The following OR51M1 variants were observed in gnomAD, a reference collection of about 807,000 sequenced individuals.
The protein encoded by OR51M1 is olfactory receptor family 51 subfamily M member 1, also known as olfactory receptor 51M1.
For missense variants in OR51M1, 509 were observed against 404.4 expected, an observed-to-expected ratio of 1.26 and a Z score of -2.22; for synonymous variants, 199 against 155.1, an observed-to-expected ratio of 1.28 and a Z score of -2.10.
chr11:5,390,166 T>TG lies in OR51M1; in HGVS notation c.768_769insG (p.Leu257AlafsTer44), dbSNP rs1564797365. The stretch of plus-strand genomic sequence containing the variant: ...GTGCCTTTCAGACATGCACCGCTCC[T>TG]CTCTGTGCTGTGCTAGTATTCTTTG... On this transcript the variant is annotated frameshift_variant, in exon 3 of 3. Transcript: ENST00000642046. LOFTEE classifies it low-confidence loss of function (END_TRUNC). The TG allele has an allele frequency of 4.8e-5, 77 of 1,613,806 alleles. No homozygotes were observed. The highest frequency in any genetic ancestry group is 6.4e-5 in the Non-Finnish European group (76 of 1,179,832).
intron 2 of OR51M1, 154 bp from the exon 3 acceptor site, chr11:5,389,230 T>C: frequency 5.7e-6 from 4 of 696,784 alleles, no homozygotes; most frequent in Admixed American, 5.3e-5. Flanking sequence ...GGCGAGGTTA[T>C]CAAAGAAAGT....
rs750467748 is a variant in OR51M1 at position 5,389,679 on chromosome 11, T to A, written c.281T>A (p.Met94Lys). The change falls in exon 3 of 3, where the codon ATG becomes AAG. Residue 94 changes from methionine to lysine, a missense_variant. By Grantham distance (95) the Met-to-Lys change is moderately conservative. Transcript: ENST00000642046. ...GLCVSTLPTT[M>K]GIFWFNSHSI... The stretch of plus-strand genomic sequence containing the variant: ...TGTGTGTCCACGTTGCCCACCACTA[T>A]GGGGATCTTCTGGTTTAACTCCCAT... 15 of 1,613,566 alleles carry A rather than the reference T, an allele frequency of 9.3e-6. 1 individual carries two copies. In the East Asian group the frequency reaches 3.3e-4, roughly 36 times the overall value.
At chr11:5,386,751 G>T (rs1849701315) in intron 2 of OR51M1, among the ~76,000 whole-genome samples, 1 of 152,024 alleles carries the variant, frequency 6.6e-6, no homozygotes, top group African/African-American at 2.4e-5. Flanking sequence ...ATTGGCTACA[G>T]AGATGAAGAT....
chr11:5,387,729 T>G (rs1292264213), intron 2 of OR51M1, among the ~76,000 whole-genome samples: 5 of 52,204 alleles, frequency 9.6e-5, no homozygotes, highest in Non-Finnish European at 2.0e-4. Flanking sequence ...CCTCCTTCCT[T>G]GAATGTTTTT....
chr11:5,386,711 A>G (rs1849700897), intron 2 of OR51M1, among the ~76,000 whole-genome samples: 1 of 152,132 alleles, frequency 6.6e-6, no homozygotes, highest in South Asian at 2.1e-4. Context: ...AGGTCAGGCA[A>G]GCAGGTGTGG....
chr11:5,389,816 C>T lies in OR51M1; in HGVS notation c.418C>T (p.His140Tyr), dbSNP rs2133728465. The T allele has an allele frequency of 6.2e-7, 1 of 1,613,952 alleles. No homozygotes were observed. Among genetic ancestry groups the T allele is most frequent in the African/African-American group, 1.3e-5 (1 of 75,046 alleles). The change falls in exon 3 of 3, where the codon CAC becomes TAC. Residue 140 changes from histidine (H) to tyrosine (Y), a missense_variant. By Grantham distance (83) the His-to-Tyr change is moderately conservative. Coordinates refer to ENST00000642046, the MANE Select transcript of OR51M1 (RefSeq NM_001004756.3). ...MSFDRLVAIC[H>Y]PLRYSVIITG... Reference sequence around the variant, plus strand: ...CTTTGACCGCCTTGTGGCCATCTGCCACCCTCTGAGGTATTCGGTCATTAT... The same window carrying T: ...CTTTGACCGCCTTGTGGCCATCTGCTACCCTCTGAGGTATTCGGTCATTAT...
Position 5,390,423 on chromosome 11 carries a change from C to G in OR51M1, c.*44C>G, listed in dbSNP as rs951115273. ...CCCCTAGAGGCCTATAAGAAGGCCC[C>G]AAATTGGACTGAAAATTTGGAGTAT... On this transcript the variant is annotated 3_prime_UTR_variant, in exon 3 of 3. Transcript: ENST00000642046. 1.4e-6 allele frequency: 2 copies of G among 1,479,436 alleles called. No individual in the cohort carries two copies. The allele number at this position is 1,479,436 out of a possible 1,614,324, so 91.6% of individuals were successfully genotyped here. A position where few individuals can be genotyped will look rare whatever the true frequency, so the allele number is the denominator to read the frequency against.
intron 2 of OR51M1, 128 bp from the exon 3 acceptor site, chr11:5,389,256 G>C (rs981857431): frequency 2.3e-5 from 19 of 812,306 alleles, no homozygotes; most frequent in South Asian, 1.2e-4. Context: ...AAAGTAGTGA[G>C]ATTGGCAGAA....
intron 1 of OR51M1, among the ~76,000 whole-genome samples, chr11:5,384,657 C>G (rs1466355912): frequency 6.6e-6 from 1 of 152,134 alleles, no homozygotes; most frequent in African/African-American, 2.4e-5. Flanking sequence ...GTATACACAC[C>G]CTCTCCTTAC....
Position 5,389,814 on chromosome 11 carries a change from G to A in OR51M1, c.416G>A (p.Cys139Tyr), listed in dbSNP as rs571671227. ...TCCTTTGACCGCCTTGTGGCCATCT[G>A]CCACCCTCTGAGGTATTCGGTCATT... is the stretch of plus-strand genomic sequence containing the variant. Reference protein sequence around the residue: ...MMSFDRLVAICHPLRYSVIIT... With the variant: ...MMSFDRLVAIYHPLRYSVIIT... The change falls in exon 3 of 3, where the codon TGC becomes TAC. Residue 139 changes from cysteine (C) to tyrosine (Y), a missense_variant. Transcript: ENST00000642046. The A allele has an allele frequency of 4.3e-6, 7 of 1,613,888 alleles. No individual in the cohort carries two copies. The highest frequency in any genetic ancestry group is 5.9e-6 in the Non-Finnish European group (7 of 1,179,876).
rs1467285028 is a variant in OR51M1, at chr11:5,383,905, T to C, written c.-134T>C. 1.3e-5 allele frequency: 2 copies of C among 152,284 alleles called. No homozygotes were observed. Among genetic ancestry groups the C allele is most frequent in the Non-Finnish European group, 2.9e-5 (2 of 68,092 alleles). 9.4% of individuals were successfully genotyped at this position (152,284 alleles called of 1,614,324 possible). Reference sequence around the variant, plus strand: ...CCTACTCATTGGCTTCACATTTTTGTTATTACCTGCTGGTGAGTCTCACTA... The same window carrying C: ...CCTACTCATTGGCTTCACATTTTTGCTATTACCTGCTGGTGAGTCTCACTA... On this transcript the variant is annotated 5_prime_UTR_variant, in exon 1 of 3. Coordinates refer to ENST00000642046, the MANE Select transcript of OR51M1 (RefSeq NM_001004756.3).
rs904180207 is a variant in OR51M1, at chr11:5,391,386, T to C, written c.*1007T>C. On this transcript the variant is annotated 3_prime_UTR_variant, in exon 3 of 3. Transcript: ENST00000642046. ...CGTTGTAACATTTGTCACACAGTAA[T>C]GTCCTGTTTATGAAGGTGTGTGCAT... 4 of 152,246 alleles carry C rather than the reference T, an allele frequency of 2.6e-5. No individual in the cohort carries two copies. The highest frequency in any genetic ancestry group is 5.9e-5 in the Non-Finnish European group (4 of 68,046). 9.4% of individuals were successfully genotyped at this position (152,246 alleles called of 1,614,324 possible). A position where few individuals can be genotyped will look rare whatever the true frequency, so the allele number is the denominator to read the frequency against.
chr11:5,387,094 T>C (rs921955656), intron 2 of OR51M1, among the ~76,000 whole-genome samples: 3 of 152,024 alleles, frequency 2.0e-5, no homozygotes, highest in African/African-American at 2.4e-5. Context: ...ATAGATAATA[T>C]AATGAATGAG....
chr11:5,384,658 C>T (rs889804413), intron 1 of OR51M1, among the ~76,000 whole-genome samples: 2 of 152,202 alleles, frequency 1.3e-5, no homozygotes, highest in Admixed American at 6.5e-5. Context: ...TATACACACC[C>T]TCTCCTTACT....
In OR51M1 at chr11:5,390,581, G is replaced by A. The variant is rs1849781091; in HGVS notation, c.*202G>A. On this transcript the variant is annotated 3_prime_UTR_variant, in exon 3 of 3. Coordinates refer to ENST00000642046, the MANE Select transcript of OR51M1 (RefSeq NM_001004756.3). Reference sequence around the variant, plus strand: ...GATTTTAATGGCTCCTCCTACAGCTGAGAACTGGCATTTTTGGTAGCATCA... The same window carrying A: ...GATTTTAATGGCTCCTCCTACAGCTAAGAACTGGCATTTTTGGTAGCATCA... The A allele has an allele frequency of 7.6e-6, 4 of 528,840 alleles. No individual in the cohort carries two copies. The highest frequency in any genetic ancestry group is 6.9e-5 in the Admixed American group (2 of 29,058). 32.8% of individuals were successfully genotyped at this position (528,840 alleles called of 1,614,324 possible). A position where few individuals can be genotyped will look rare whatever the true frequency, so the allele number is the denominator to read the frequency against.
At position 5,392,555 on chromosome 11, in the gene OR51M1, A is replaced by C. The variant is rs1036166691; in HGVS notation, c.*2176A>C. The C allele has an allele frequency of 1.3e-5, 2 of 152,222 alleles. No individual in the cohort carries two copies. Among genetic ancestry groups the C allele is most frequent in the African/African-American group, 4.8e-5 (2 of 41,456 alleles). The allele number at this position is 152,222 out of a possible 1,614,324, so 9.4% of individuals were successfully genotyped here. On this transcript the variant is annotated 3_prime_UTR_variant, in exon 3 of 3. Transcript: ENST00000642046. ...TATTTGAAAACTTCTACCTTACTCA[A>C]ATTTAAAATGCAAATTAACATATCT...
At position 5,390,269 on chromosome 11, in the gene OR51M1, G is replaced by A. The variant is rs1352900534; in HGVS notation, c.871G>A (p.Val291Ile). 5 of 1,614,024 alleles carry A rather than the reference G, an allele frequency of 3.1e-6. No homozygotes were observed. In the South Asian group the frequency reaches 4.4e-5, roughly 14 times the overall value. Residue 291 changes from valine (V) to isoleucine (I), a missense_variant, in exon 3 of 3, where the codon GTC becomes ATC. Val to Ile is a conservative substitution (Grantham distance 29). Coordinates refer to ENST00000642046, the MANE Select transcript of OR51M1 (RefSeq NM_001004756.3). ...TGCTATTCATCTTCTTATGGCCAATGTCTACCTTTTTGTGCCTCCCATGCT... is the reference window on the plus strand; with the variant it reads ...TGCTATTCATCTTCTTATGGCCAATATCTACCTTTTTGTGCCTCCCATGCT... ...PPAIHLLMAN[V>I]YLFVPPMLNP...
intron 2 of OR51M1, among the ~76,000 whole-genome samples, chr11:5,387,179 G>C (rs1849708118): frequency 6.6e-6 from 1 of 152,064 alleles, no homozygotes; most frequent in African/African-American, 2.4e-5. Context: ...GTGCATAGAA[G>C]CTATCACAAA....
chr11:5,389,393 C>T lies in OR51M1; in HGVS notation c.-6C>T, dbSNP rs530716323. ...ATCCATTTATTTTCAGCTCAATCCC[C>T]GAGGAATGTCAGTCCAATATTCGCT... On this transcript the variant is annotated 5_prime_UTR_variant, in exon 3 of 3. Transcript: ENST00000642046. 196 of 1,609,172 alleles carry T rather than the reference C, an allele frequency of 1.2e-4. No individual in the cohort carries two copies. The highest frequency in any genetic ancestry group is 1.6e-4 in the Non-Finnish European group (186 of 1,176,464).
Sources: gnomAD v4.1 joint callset for allele counts (sites outside exome capture counted in the v4.1 genomes callset) on GRCh38, gnomAD v4.1.1 for gene constraint, MANE v1.5 for transcripts, NCBI Gene and HGNC (gene_info 2026-07-23, HGNC 2026-07-21) for gene names.